FRMPD1: variants seen among roughly 807,000 people sequenced by gnomAD.
FRMPD1 encodes FERM and PDZ domain-containing protein 1.
A neutral mutation model predicts 117.8 loss-of-function variants in FRMPD1; 76 were observed. The observed-to-expected ratio is 0.65, with a 90% CI of 0.54 to 0.78. FRMPD1 has a LOEUF of 0.78. Ranked by LOEUF, FRMPD1 falls within the 30% of genes least tolerant of loss-of-function variation. The pLI is 0.00. For missense variants in FRMPD1, 1,786 were observed against 1,964.5 expected (o/e 0.91, Z 1.72); for synonymous variants, 783 against 770.4 (o/e 1.02, Z -0.27).
At chr9:37,622,642 G>A in the FRMPD1 span, among the ~76,000 whole-genome samples, 1 of 152,194 alleles carries the variant, frequency 6.6e-6, no homozygotes, top group Non-Finnish European at 1.5e-5. Context: ...ATAAGAAACA[G>A]CTGTCCTCGG....
At chr9:37,614,023 T>C in the FRMPD1 span, among the ~76,000 whole-genome samples, 1 of 152,232 alleles carries the variant, frequency 6.6e-6, no homozygotes, top group Non-Finnish European at 1.5e-5. Flanking sequence ...AGGAAGATTT[T>C]CTTATAAGGG....
At chr9:37,640,092 T>C in the FRMPD1 span, among the ~76,000 whole-genome samples, 1 of 152,220 alleles carries the variant, frequency 6.6e-6, no homozygotes, top group Admixed American at 6.5e-5. Context: ...GCAAATGGTT[T>C]AACTGCTGTG....
chr9:37,686,528 TA>T (rs1821954757), intron 1 of FRMPD1, among the ~76,000 whole-genome samples: 1 of 152,218 alleles, frequency 6.6e-6, no homozygotes, highest in Non-Finnish European at 1.5e-5. Flanking sequence ...CTCTTGACTT[TA>T]AACTCTCCTG....
chr9:37,746,127 C>T lies in FRMPD1; in HGVS notation c.4095C>T (p.Pro1365=), dbSNP rs1298279091. 1 of 1,614,126 alleles carries T rather than the reference C, an allele frequency of 6.2e-7. No homozygotes were observed. Among genetic ancestry groups the T allele is most frequent in the East Asian group, 2.2e-5 (1 of 44,880 alleles). The change falls in exon 16 of 16, where the codon CCC becomes CCT. Residue 1365 remains proline, a synonymous_variant. Transcript: ENST00000377765. ...DRDLEAHPMA[P]LTSPPSAGSP... ...ACTTGGAAGCACACCCCATGGCCCC[C>T]CTCACCTCACCGCCCTCTGCGGGAA...
Position 37,711,372 on chromosome 9 carries a change from A to T in FRMPD1, c.385A>T (p.Ile129Phe), listed in dbSNP as rs1265831368. Residue 129 changes from isoleucine to phenylalanine, a missense_variant, in exon 5 of 16, where the codon ATC becomes TTC. Coordinates refer to ENST00000377765, the MANE Select transcript of FRMPD1 (RefSeq NM_014907.3). The stretch of plus-strand genomic sequence containing the variant: ...CAGGGAAGCAGAAGATTCTCTTTCA[A>T]TCACAGTTGTTCGCTGCACGTCGGT... ...ILREAEDSLS[I>F]TVVRCTSGVP... 1.2e-6 allele frequency: 2 copies of T among 1,610,628 alleles called. No homozygotes were observed. The highest frequency in any genetic ancestry group is 8.5e-7 in the Non-Finnish European group (1 of 1,176,958).
At chr9:37,733,365 T>C in intron 10 of FRMPD1, 108 bp from the exon 11 acceptor site, 1 of 1,038,498 alleles carries the variant, frequency 9.6e-7, no homozygotes, top group Non-Finnish European at 1.4e-6. Flanking sequence ...GGCTCGTAAT[T>C]GCTGTATTAT....
intron 15 of FRMPD1, among the ~76,000 whole-genome samples, chr9:37,741,450 GACAC>G (rs56971939): frequency 0.027 from 3,597 of 135,646 alleles, 99 homozygotes; most frequent in African/African-American, 0.073. Context: ...ATCCTGGCAG[GACAC>G]ACACACACAC....
intron 1 of FRMPD1, among the ~76,000 whole-genome samples, chr9:37,691,562 T>C (rs577166400): frequency 6.6e-6 from 1 of 152,382 alleles, no homozygotes; most frequent in South Asian, 2.1e-4. Context: ...TATATTATCT[T>C]TGCAAACTTT....
chr9:37,722,126 G>A (rs763412029), intron 6 of FRMPD1, among the ~76,000 whole-genome samples: 9 of 152,136 alleles, frequency 5.9e-5, no homozygotes, highest in Non-Finnish European at 1.0e-4. Context: ...CAGAGTAAGC[G>A]GTCTGAAATC....
intron 6 of FRMPD1, among the ~76,000 whole-genome samples, chr9:37,723,030 G>A (rs1032179692): frequency 1.3e-5 from 2 of 152,146 alleles, no homozygotes; most frequent in African/African-American, 4.8e-5. Context: ...TACGAGAGTG[G>A]CAGAGTCCCT....
the FRMPD1 span, among the ~76,000 whole-genome samples, chr9:37,603,922 C>T: frequency 2.9e-3 from 443 of 152,194 alleles, 1 homozygote; most frequent in Middle Eastern, 6.8e-3. Context: ...TCAGGTGATC[C>T]GCCCACCTCA....
At chr9:37,737,368 A>T in intron 14 of FRMPD1, 125 bp downstream of exon 14, 1 of 715,126 alleles carries the variant, frequency 1.4e-6, no homozygotes, top group Non-Finnish European at 2.3e-6. Context: ...GATGAGAGCT[A>T]TTTCTCTGTT....
rs141917174 is a variant in FRMPD1 at position 37,746,659 on chromosome 9, G to A, written c.4627G>A (p.Glu1543Lys). Reference sequence around the variant, plus strand: ...TATAGAGGCTGCTAAATCGACCTGCGAGAGAGGCTACCACGACCTGAGTGT... The same window carrying A: ...TATAGAGGCTGCTAAATCGACCTGCAAGAGAGGCTACCACGACCTGAGTGT... Reference protein sequence around the residue: ...QFIEAAKSTCERGYHDLSVKL... With the variant: ...QFIEAAKSTCKRGYHDLSVKL... The change falls in exon 16 of 16, where the codon GAG becomes AAG. Residue 1543 changes from glutamate (E) to lysine (K), a missense_variant. Transcript: ENST00000377765. 2.8e-5 allele frequency: 45 copies of A among 1,613,946 alleles called. No homozygotes were observed. In the African/African-American group the frequency reaches 3.7e-4, roughly 13 times the overall value.
At position 37,745,540 on chromosome 9, in the gene FRMPD1, A is replaced by G. The variant is rs1412570922; in HGVS notation, c.3508A>G (p.Thr1170Ala). Residue 1170 changes from threonine (T) to alanine (A), a missense_variant, in exon 16 of 16, where the codon ACC (threonine) becomes GCC (alanine). Coordinates refer to ENST00000377765, the MANE Select transcript of FRMPD1 (RefSeq NM_014907.3). ...TTCTTTAGATGCTCCTGTAACAGGG[A>G]CCGAGCAGATCCCACCACATCCCCC... Reference protein sequence around the residue: ...SLSLDAPVTGTEQIPPHPPRD... With the variant: ...SLSLDAPVTGAEQIPPHPPRD... 6.2e-7 allele frequency: 1 copy of G among 1,614,070 alleles called. No individual in the cohort carries two copies. Among genetic ancestry groups the G allele is most frequent in the African/African-American group, 1.3e-5 (1 of 75,032 alleles).
At chr9:37,696,818 A>T (rs1172410202) in intron 2 of FRMPD1, among the ~76,000 whole-genome samples, 1 of 152,046 alleles carries the variant, frequency 6.6e-6, no homozygotes, top group Non-Finnish European at 1.5e-5. Context: ...ACTTTTAAAA[A>T]CTCAGTCGTT....
the FRMPD1 span, among the ~76,000 whole-genome samples, chr9:37,614,539 T>C: frequency 6.6e-6 from 1 of 152,198 alleles, no homozygotes; most frequent in Non-Finnish European, 1.5e-5. Flanking sequence ...CCAGCTGAAA[T>C]GTTTCCCAAA....
chr9:37,744,350 T>G (rs199722442), intron 15 of FRMPD1, 39 bp from the exon 16 acceptor site: 713 of 1,459,826 alleles, frequency 4.9e-4, no homozygotes, highest in Non-Finnish European at 5.9e-4. Context: ...CCTCTTTTTT[T>G]TGTGCTTTTT....
upstream of FRMPD1, among the ~76,000 whole-genome samples, chr9:37,648,405 A>G (rs1281587831): frequency 8.5e-5 from 13 of 152,172 alleles, no homozygotes. Flanking sequence ...ACGTGATGCT[A>G]AGGAGTTAAG....
the FRMPD1 span, chr9:37,637,240 G>C: frequency 1.2e-6 from 2 of 1,609,348 alleles, no homozygotes; most frequent in African/African-American, 2.7e-5. Flanking sequence ...ACTTGCCCAC[G>C]CCTGAGTCGC....
Sources: gnomAD v4.1 joint callset for allele counts (sites outside exome capture counted in the v4.1 genomes callset) on GRCh38, gnomAD v4.1.1 for gene constraint, MANE v1.5 for transcripts, NCBI Gene and HGNC (gene_info 2026-07-23, HGNC 2026-07-21) for gene names.